Variants in KANSL1L observed in about 807,000 individuals in gnomAD.
The protein encoded by KANSL1L is KAT8 regulatory NSL complex subunit 1 like.
In KANSL1L, 25 loss-of-function variants were observed where a neutral mutation model predicts 108.6. The ratio of observed to expected loss-of-function variants is 0.23; its 90% CI spans 0.17 to 0.32. The LOEUF (loss-of-function observed/expected upper bound fraction) is 0.32. Ranked by LOEUF, KANSL1L falls within the 10% of genes least tolerant of loss-of-function variation. KANSL1L has a pLI of 1.00. For missense variants in KANSL1L, 1,137 were observed against 1,125.7 expected, an observed-to-expected ratio of 1.01 and a Z score of -0.14; for synonymous variants, 405 against 395.1, an observed-to-expected ratio of 1.03 and a Z score of -0.30.
chr2:210,067,393 G>A (rs1307852987), intron 6 of KANSL1L, among the ~76,000 whole-genome samples: 2 of 151,952 alleles, frequency 1.3e-5, no homozygotes, highest in Non-Finnish European at 2.9e-5. Flanking sequence ...GGAATTGCTG[G>A]ATTATAAGAA....
Position 210,141,339 on chromosome 2 carries a change from T to A in KANSL1L, c.1088+12156A>T, listed in dbSNP as rs868208713. ...GAACACTGTGTCCTCAAAATTCATATGTTAAAACCTAATTCCCAATGTGAT... is the reference window on the plus strand; with the variant it reads ...GAACACTGTGTCCTCAAAATTCATAAGTTAAAACCTAATTCCCAATGTGAT... On this transcript the variant is annotated intron_variant, in intron 2 of 14. Coordinates refer to ENST00000281772, the MANE Select transcript of KANSL1L (RefSeq NM_152519.4). 4.6e-5 allele frequency among the ~76,000 whole-genome samples: 7 copies of A among 152,158 alleles called. 1 individual carries two copies. The highest frequency in any genetic ancestry group is 3.9e-4 in the Admixed American group (6 of 15,262).
At chr2:210,136,923 T>C (rs2095178946) in intron 2 of KANSL1L, among the ~76,000 whole-genome samples, 2 of 152,148 alleles carry the variant, frequency 1.3e-5, no homozygotes. Context: ...TAAAAATAGT[T>C]AGACTTATTG....
chr2:210,129,159 C>T lies in KANSL1L; in HGVS notation c.1102G>A (p.Glu368Lys). ...GCTCTGTCTACAAGCCACTTCCATT[C>T]AGTACTACAGTTACTGTGAACAAAA... ...RKNVAVNCST[E>K]WKWLVDRARV... Residue 368 changes from glutamate to lysine, a missense_variant, in exon 3 of 15, where the codon GAA (glutamate) becomes AAA (lysine). By Grantham distance (56) the Glu-to-Lys change is moderately conservative. Around this residue, in one of 3 missense-constraint regions of KANSL1L, gnomAD observed 556 missense variants for 537.7 expected, o/e 1.03. Transcript: ENST00000281772. The T allele has an allele frequency of 6.2e-7, 1 of 1,612,436 alleles. No individual in the cohort carries two copies. The highest frequency in any genetic ancestry group is 8.5e-7 in the Non-Finnish European group (1 of 1,179,198).
intron 1 of KANSL1L, among the ~76,000 whole-genome samples, chr2:210,166,764 A>G (rs956015978): frequency 3.3e-5 from 5 of 152,106 alleles, no homozygotes; most frequent in African/African-American, 9.7e-5. Context: ...AATAAAGTGA[A>G]AAGACTACCA....
At chr2:210,144,460 A>C (rs1389444686) in intron 2 of KANSL1L, among the ~76,000 whole-genome samples, 3 of 152,136 alleles carry the variant, frequency 2.0e-5, no homozygotes, top group East Asian at 3.8e-4. Flanking sequence ...AGCTCTGTTG[A>C]GGATATCCCA....
chr2:210,143,641 C>A (rs983358307), intron 2 of KANSL1L, among the ~76,000 whole-genome samples: 1 of 151,944 alleles, frequency 6.6e-6, no homozygotes, highest in South Asian at 2.1e-4. Flanking sequence ...TAGGTTTTTG[C>A]TTTGTGGTTA....
rs1213190662 is a variant in KANSL1L, at chr2:210,104,520, A to G, written c.1231-219T>C. On this transcript the variant is annotated intron_variant, in intron 3 of 14. Transcript: ENST00000281772. ...GGTTGGACTTGTAAAATATTTTCTT[A>G]ACTTAAATACATGCAGTTTTTTTCT... Among the ~76,000 whole-genome samples, 6 of 152,290 alleles carry G rather than the reference A, an allele frequency of 3.9e-5. No individual in the cohort carries two copies. The East Asian group carries it at 1.2e-3, about 29-fold the overall frequency.
intron 1 of KANSL1L, among the ~76,000 whole-genome samples, chr2:210,158,751 A>G (rs2095346876): frequency 6.6e-6 from 1 of 152,094 alleles, no homozygotes; most frequent in African/African-American, 2.4e-5. Flanking sequence ...TTTGCAACCA[A>G]AAGAAACTAA....
chr2:210,137,287 T>C (rs916048290), intron 2 of KANSL1L, among the ~76,000 whole-genome samples: 5 of 152,366 alleles, frequency 3.3e-5, no homozygotes, highest in Admixed American at 2.0e-4. Context: ...AGGATATTTC[T>C]ATAGGACTTT....
At chr2:210,159,750 C>T (rs1246555025) in intron 1 of KANSL1L, among the ~76,000 whole-genome samples, 1 of 152,140 alleles carries the variant, frequency 6.6e-6, no homozygotes, top group Non-Finnish European at 1.5e-5. Context: ...AAGACTGGTT[C>T]AACATTAAAG....
intron 1 of KANSL1L, 36 bp from the exon 2 acceptor site, chr2:210,154,647 GA>G: frequency 1.5e-6 from 2 of 1,318,120 alleles, no homozygotes; most frequent in Non-Finnish European, 9.9e-7. Flanking sequence ...CAAATATCTA[GA>G]AAAAAATTTT....
At chr2:210,086,025 T>C (rs1288967386) in intron 5 of KANSL1L, among the ~76,000 whole-genome samples, 1 of 151,672 alleles carries the variant, frequency 6.6e-6, no homozygotes, top group Non-Finnish European at 1.5e-5. Context: ...TTCTCATAAT[T>C]GAGAAGTGAC....
intron 2 of KANSL1L, among the ~76,000 whole-genome samples, chr2:210,131,559 T>C (rs1207460532): frequency 6.6e-6 from 1 of 152,150 alleles, no homozygotes; most frequent in Non-Finnish European, 1.5e-5. Context: ...GGTAAAGATA[T>C]TCTGATACTC....
intron 6 of KANSL1L, among the ~76,000 whole-genome samples, chr2:210,059,776 T>C (rs2094399803): frequency 6.6e-6 from 1 of 151,924 alleles, no homozygotes; most frequent in Non-Finnish European, 1.5e-5. Context: ...TAAGTAACTT[T>C]TTTTTTTTTT....
intron 1 of KANSL1L, among the ~76,000 whole-genome samples, chr2:210,167,848 G>C (rs1688076183): frequency 6.6e-6 from 1 of 151,778 alleles, no homozygotes; most frequent in Admixed American, 6.6e-5. Context: ...TTTTATTATA[G>C]ACTATCTACT....
intron 8 of KANSL1L, among the ~76,000 whole-genome samples, chr2:210,037,230 T>C (rs540792543): frequency 6.6e-6 from 1 of 152,350 alleles, no homozygotes; most frequent in African/African-American, 2.4e-5. Context: ...CTTATATTTT[T>C]ATCACATACT....
At chr2:210,097,576 T>C (rs1481255756) in intron 5 of KANSL1L, among the ~76,000 whole-genome samples, 6 of 152,100 alleles carry the variant, frequency 3.9e-5, no homozygotes, top group Admixed American at 2.6e-4. Flanking sequence ...TTTGCTAATA[T>C]AGATAAATTG....
intron 1 of KANSL1L, among the ~76,000 whole-genome samples, chr2:210,154,951 A>G (rs1466894055): frequency 6.6e-6 from 1 of 152,316 alleles, no homozygotes. Flanking sequence ...TAATCTGGTA[A>G]TAACAATAGA....
intron 11 of KANSL1L, 115 bp from the exon 12 acceptor site, chr2:210,027,465 G>A: frequency 1.5e-6 from 1 of 669,186 alleles, no homozygotes; most frequent in Non-Finnish European, 2.7e-6. Flanking sequence ...GGTTCAAATT[G>A]TTGTATTTTA....
Sources: allele counts gnomAD v4.1 joint callset (sites outside exome capture counted in the v4.1 genomes callset), GRCh38; gene constraint gnomAD v4.1.1; regional missense constraint gnomAD v4.1.1; transcripts MANE v1.5; gene names NCBI Gene and HGNC (gene_info 2026-07-23, HGNC 2026-07-21).